STXBP6: variants seen among roughly 807,000 people sequenced by gnomAD.
The protein encoded by STXBP6 is syntaxin-binding protein 6.
In STXBP6, 21 loss-of-function variants were observed where a neutral mutation model predicts 26.9. That is an observed-to-expected ratio of 0.78 (90% CI 0.55 to 1.12). The LOEUF is 1.12. Among genes scored for constraint, STXBP6 ranks in the 50% most tolerant of loss-of-function variants. The probability of loss-of-function intolerance (pLI) is 0.00; values close to 1 mark genes in which losing one functional copy is unlikely to be tolerated. For missense variants in STXBP6, 232 were observed against 257.9 expected, an observed-to-expected ratio of 0.90 and a Z score of 0.69; for synonymous variants, 97 against 92.6, an observed-to-expected ratio of 1.05 and a Z score of -0.27.
At chr14:24,969,017 G>A (rs2073820734) in intron 2 of STXBP6, among the ~76,000 whole-genome samples, 1 of 152,074 alleles carries the variant, frequency 6.6e-6, no homozygotes, top group Admixed American at 6.5e-5. Context: ...GGTTTTATAA[G>A]GAACACCTAG....
chr14:24,956,943 G>T (rs1209626198), intron 2 of STXBP6, among the ~76,000 whole-genome samples: 1 of 152,116 alleles, frequency 6.6e-6, no homozygotes, highest in Non-Finnish European at 1.5e-5. Context: ...TATTCTTGAG[G>T]CTCCTAAGCT....
At chr14:24,978,974 A>G (rs2074118002) in intron 1 of STXBP6, among the ~76,000 whole-genome samples, 2 of 152,202 alleles carry the variant, frequency 1.3e-5, no homozygotes, top group African/African-American at 4.8e-5. Context: ...TGGTCAGGAG[A>G]CCAAGAGTAG....
At chr14:24,855,044 T>C (rs946775920) in intron 4 of STXBP6, among the ~76,000 whole-genome samples, 1 of 152,114 alleles carries the variant, frequency 6.6e-6, no homozygotes, top group African/African-American at 2.4e-5. Flanking sequence ...GGATAATAAC[T>C]TCTCTATACA....
At chr14:24,832,110 T>A (rs573124087) in intron 4 of STXBP6, among the ~76,000 whole-genome samples, 1 of 152,334 alleles carries the variant, frequency 6.6e-6, no homozygotes, top group East Asian at 1.9e-4. Flanking sequence ...TTGAAAGCAC[T>A]ACCCTTATCT....
chr14:24,930,376 T>C (rs1595132468), intron 2 of STXBP6, among the ~76,000 whole-genome samples: 1 of 152,252 alleles, frequency 6.6e-6, no homozygotes, highest in African/African-American at 2.4e-5. Flanking sequence ...ATTTTTGTGA[T>C]TGTGGCACTG....
intron 2 of STXBP6, among the ~76,000 whole-genome samples, chr14:24,971,718 C>A (rs1269758929): frequency 6.6e-6 from 1 of 152,208 alleles, no homozygotes; most frequent in Non-Finnish European, 1.5e-5. Context: ...CCCTACTTTT[C>A]TCAAAACTCT....
intron 4 of STXBP6, among the ~76,000 whole-genome samples, chr14:24,835,261 C>T (rs1343248358): frequency 6.6e-6 from 1 of 152,198 alleles, no homozygotes; most frequent in African/African-American, 2.4e-5. Flanking sequence ...ACTAAACTCA[C>T]AGATCTTCTT....
chr14:24,867,377 G>C (rs1186321953), intron 2 of STXBP6, among the ~76,000 whole-genome samples: 1 of 152,106 alleles, frequency 6.6e-6, no homozygotes, highest in Non-Finnish European at 1.5e-5. Context: ...CCTAGTTTCA[G>C]GTATTTTGCC....
At chr14:24,817,931 C>T in intron 5 of STXBP6, 1 of 406,522 alleles carries the variant, frequency 2.5e-6, no homozygotes, top group South Asian at 1.9e-5. Flanking sequence ...GAAGAGAAGG[C>T]AGGAGTCATC....
intron 2 of STXBP6, among the ~76,000 whole-genome samples, chr14:24,899,118 A>G (rs1042411512): frequency 6.6e-6 from 1 of 152,198 alleles, no homozygotes; most frequent in Admixed American, 6.5e-5. Context: ...CACTTTGAAG[A>G]TTTCAAGTAT....
chr14:25,036,782 G>C (rs1221640464), intron 1 of STXBP6, among the ~76,000 whole-genome samples: 2 of 151,078 alleles, frequency 1.3e-5, no homozygotes, highest in Admixed American at 6.6e-5. Context: ...CGTGAACCCA[G>C]GAGGCGGAGC....
At chr14:24,841,952 A>G (rs529692502) in intron 4 of STXBP6, among the ~76,000 whole-genome samples, 456 of 152,240 alleles carry the variant, frequency 3.0e-3, no homozygotes, top group African/African-American at 0.011. Flanking sequence ...GGTGTGCACA[A>G]TATTCTTCAG....
At chr14:24,873,333 C>T (rs988430983) in intron 2 of STXBP6, among the ~76,000 whole-genome samples, 3 of 151,942 alleles carry the variant, frequency 2.0e-5, no homozygotes, top group Non-Finnish European at 2.9e-5. Context: ...AGTTCAGGGC[C>T]AACAGAGGGT....
intron 2 of STXBP6, among the ~76,000 whole-genome samples, chr14:24,923,500 C>G (rs2072055379): frequency 6.6e-6 from 1 of 152,066 alleles, no homozygotes; most frequent in South Asian, 2.1e-4. Context: ...GCCCTATAAG[C>G]ACACCTTACA....
intron 2 of STXBP6, among the ~76,000 whole-genome samples, chr14:24,958,972 T>G (rs2073433208): frequency 6.6e-6 from 1 of 152,176 alleles, no homozygotes; most frequent in Admixed American, 6.5e-5. Context: ...AACAATGATC[T>G]AAACAGGAGG....
chr14:24,969,926 ACT>A (rs1454136918), intron 2 of STXBP6, among the ~76,000 whole-genome samples: 1 of 151,846 alleles, frequency 6.6e-6, no homozygotes, highest in Admixed American at 6.6e-5. Context: ...CCCACTAGCG[ACT>A]CTGTAAAAGT....
intron 1 of STXBP6, among the ~76,000 whole-genome samples, chr14:25,017,533 C>T (rs2075175146): frequency 6.6e-6 from 1 of 152,190 alleles, no homozygotes; most frequent in Non-Finnish European, 1.5e-5. Context: ...TACTTGGTTA[C>T]CAAGATAAAA....
At chr14:24,975,937 T>C (rs1325592835) in intron 1 of STXBP6, among the ~76,000 whole-genome samples, 5 of 152,096 alleles carry the variant, frequency 3.3e-5, no homozygotes, top group Admixed American at 2.0e-4. Context: ...AAATCAAAAT[T>C]AAAGGCACAG....
At chr14:24,850,377 G>C (rs1358806766) in intron 4 of STXBP6, among the ~76,000 whole-genome samples, 1 of 151,998 alleles carries the variant, frequency 6.6e-6, no homozygotes, top group Admixed American at 6.6e-5. Flanking sequence ...CTGAAGTCTG[G>C]GCTTTATACT....
Sources: allele counts gnomAD v4.1 joint callset (sites outside exome capture counted in the v4.1 genomes callset), GRCh38; gene constraint gnomAD v4.1.1; transcripts MANE v1.5; gene names NCBI Gene and HGNC (gene_info 2026-07-23, HGNC 2026-07-21).